PREX1: variants seen among roughly 807,000 people sequenced by gnomAD.
The protein encoded by PREX1 is phosphatidylinositol-3,4,5-trisphosphate dependent Rac exchange factor 1, also known as phosphatidylinositol 3,4,5-trisphosphate-dependent Rac exchanger 1 protein.
A neutral mutation model predicts 198.3 loss-of-function variants in PREX1; 41 were observed. The observed-to-expected ratio is 0.21, with a 90% CI of 0.16 to 0.27. PREX1 has a LOEUF of 0.27. Ranked by LOEUF, PREX1 falls within the 10% of genes least tolerant of loss-of-function variation. PREX1 has a pLI of 1.00. For synonymous variants in PREX1, 843 were observed against 887.2 expected, an observed-to-expected ratio of 0.95 and a Z score of 0.89; for missense variants, 1,620 against 2,200.7, an observed-to-expected ratio of 0.74 and a Z score of 5.28.
intron 25 of PREX1, among the ~76,000 whole-genome samples, chr20:48,646,780 G>T (rs987371005): frequency 6.6e-6 from 1 of 152,132 alleles, no homozygotes; most frequent in Non-Finnish European, 1.5e-5. Flanking sequence ...AGGGTGTGAC[G>T]GTTAAGAGCA....
chr20:48,781,493 A>G (rs924552746), intron 1 of PREX1, among the ~76,000 whole-genome samples: 4 of 152,196 alleles, frequency 2.6e-5, no homozygotes, highest in Admixed American at 6.5e-5. Flanking sequence ...ATGGGCCACA[A>G]TGGTGCAGCC....
chr20:48,642,400 G>T lies in PREX1; in HGVS notation c.3684+7C>A, dbSNP rs1391558165. On this transcript the variant is annotated splice_region_variant and intron_variant, in intron 28 of 39. Coordinates refer to ENST00000371941, the MANE Select transcript of PREX1 (RefSeq NM_020820.4). ...AAGTTGCGCCAGGAGTGGGGCAAAG[G>T]TCCTACCTGGTTAAAGAGGTGCTCC... The T allele has an allele frequency of 3.7e-6, 6 of 1,612,472 alleles. No homozygotes were observed. Among genetic ancestry groups the T allele is most frequent in the Admixed American group, 1.7e-5 (1 of 59,922 alleles).
chr20:48,696,914 C>T lies in PREX1; in HGVS notation c.917+3839G>A, dbSNP rs577592306. ...TATTGGCTTGTCTTCAGCTTGCAGACGACAGATCTTGGGACTTGTCAGCCT... is the reference window on the plus strand; with the variant it reads ...TATTGGCTTGTCTTCAGCTTGCAGATGACAGATCTTGGGACTTGTCAGCCT... On this transcript the variant is annotated intron_variant, in intron 7 of 39. Coordinates refer to ENST00000371941, the MANE Select transcript of PREX1 (RefSeq NM_020820.4). 7.9e-5 allele frequency among the ~76,000 whole-genome samples: 12 copies of T among 151,628 alleles called. No individual in the cohort carries two copies. In the East Asian group the frequency reaches 1.4e-3, roughly 17 times the overall value.
intron 11 of PREX1, among the ~76,000 whole-genome samples, chr20:48,680,817 T>G (rs2089744361): frequency 6.6e-6 from 1 of 152,160 alleles, no homozygotes; most frequent in South Asian, 2.1e-4. Flanking sequence ...CTATCTTGCT[T>G]TGTAAAGATA....
At chr20:48,777,919 C>T (rs140018975) in intron 1 of PREX1, among the ~76,000 whole-genome samples, 178 of 152,086 alleles carry the variant, frequency 1.2e-3, no homozygotes, top group African/African-American at 4.1e-3. Flanking sequence ...GTGCCCAAGA[C>T]GTCTACACCA....
At chr20:48,871,627 T>C in the PREX1 span, among the ~76,000 whole-genome samples, 3 of 56,662 alleles carry the variant, frequency 5.3e-5, no homozygotes, top group Admixed American at 7.0e-4. Flanking sequence ...TTGAGGAAGC[T>C]TAGGATTCAG....
rs372052479 is a variant in PREX1, at chr20:48,689,103, A to G, written c.1187-299T>C. On this transcript the variant is annotated intron_variant, in intron 9 of 39. Transcript: ENST00000371941. ...AACCCAGGAATCAAGCTCTAGTGCT[A>G]TGTTCTTCATCACTTTCCTATGCTG... Among the ~76,000 whole-genome samples, 19 of 152,212 alleles carry G rather than the reference A, an allele frequency of 1.2e-4. 2 individuals carry two copies. The highest frequency in any genetic ancestry group is 1.0e-3 in the Admixed American group (16 of 15,288).
At chr20:48,841,350 C>A in the PREX1 span, among the ~76,000 whole-genome samples, 23 of 152,152 alleles carry the variant, frequency 1.5e-4, no homozygotes, top group African/African-American at 5.3e-4. Context: ...GCTGTTGTAG[C>A]AATAAAGCAG....
intron 5 of PREX1, among the ~76,000 whole-genome samples, chr20:48,719,784 C>T (rs1369420308): frequency 1.3e-5 from 2 of 152,176 alleles, no homozygotes; most frequent in African/African-American, 4.8e-5. Flanking sequence ...CAAGCACTTT[C>T]TGGTCTCCCT....
intron 19 of PREX1, among the ~76,000 whole-genome samples, chr20:48,654,212 T>C (rs2089524206): frequency 6.6e-6 from 1 of 152,212 alleles, no homozygotes; most frequent in African/African-American, 2.4e-5. Context: ...ATCCCTACGC[T>C]GAGGGTCGCG....
intron 1 of PREX1, among the ~76,000 whole-genome samples, chr20:48,812,223 T>C (rs1319508375): frequency 2.0e-5 from 3 of 152,102 alleles, no homozygotes; most frequent in Non-Finnish European, 4.4e-5. Context: ...AACTGAAAAC[T>C]ACCTAAATGC....
Position 48,642,228 on chromosome 20 carries a change from G to A in PREX1, c.3715C>T (p.Pro1239Ser). The A allele has an allele frequency of 6.2e-7, 1 of 1,614,214 alleles. No individual in the cohort carries two copies. The highest frequency in any genetic ancestry group is 2.2e-5 in the East Asian group (1 of 44,880). ...VDSINALLKG[P>S]VMSRAFEETK... ...TCTTCGAAAGCCCGGCTCATGACTG[G>A]CCCCTTGAGGAGAGCATTGATGGAG... The change falls in exon 29 of 40, where the codon CCA becomes TCA. Residue 1239 changes from proline to serine, a missense_variant. Transcript: ENST00000371941.
intron 25 of PREX1, among the ~76,000 whole-genome samples, chr20:48,648,319 G>C (rs756452436): frequency 3.4e-4 from 52 of 152,110 alleles, no homozygotes; most frequent in Admixed American, 2.2e-3. Flanking sequence ...CTCAAGTGGG[G>C]GCAATTTTGC....
the PREX1 span, among the ~76,000 whole-genome samples, chr20:48,881,858 A>G: frequency 6.6e-6 from 1 of 151,960 alleles, no homozygotes; most frequent in Non-Finnish European, 1.5e-5. Context: ...CTAATTTCGG[A>G]ATGTTTTCAT....
At chr20:48,798,356 C>A (rs1451943569) in intron 1 of PREX1, among the ~76,000 whole-genome samples, 1 of 152,214 alleles carries the variant, frequency 6.6e-6, no homozygotes, top group East Asian at 1.9e-4. Flanking sequence ...GCTGCTCCTA[C>A]GGTCCAGCCT....
chr20:48,811,191 T>C (rs928414131), intron 1 of PREX1, among the ~76,000 whole-genome samples: 2 of 152,118 alleles, frequency 1.3e-5, no homozygotes, highest in Admixed American at 1.3e-4. Flanking sequence ...TTTTTTTTAT[T>C]ATTATTAAAC....
intron 6 of PREX1, among the ~76,000 whole-genome samples, chr20:48,702,769 G>A (rs3827042): frequency 0.068 from 10,331 of 152,342 alleles, 414 homozygotes; most frequent in South Asian, 0.14. Flanking sequence ...CAACGCTAAT[G>A]AGCCACCTCC....
At chr20:48,722,788 C>G (rs918027593) in intron 5 of PREX1, among the ~76,000 whole-genome samples, 1 of 152,240 alleles carries the variant, frequency 6.6e-6, no homozygotes, top group African/African-American at 2.4e-5. Context: ...ATGTCCCCTG[C>G]CACACACTCC....
chr20:48,838,125 T>C, the PREX1 span, among the ~76,000 whole-genome samples: 100 of 152,292 alleles, frequency 6.6e-4, 2 homozygotes, highest in South Asian at 0.015. Flanking sequence ...AGCGGTTTCC[T>C]CTCCGGTTGG....
Sources: gnomAD v4.1 joint callset for allele counts (sites outside exome capture counted in the v4.1 genomes callset) on GRCh38, gnomAD v4.1.1 for gene constraint, MANE v1.5 for transcripts, NCBI Gene and HGNC (gene_info 2026-07-23, HGNC 2026-07-21) for gene names.